The following SNRK variants were observed in gnomAD, a reference collection of about 807,000 sequenced individuals.
SNRK encodes the protein SNF related kinase, also known as SNF-related serine/threonine-protein kinase.
Under a neutral mutation model 48.2 loss-of-function variants are expected in SNRK, and 3 were observed. That is an observed-to-expected ratio of 0.06 (90% confidence interval 0.03 to 0.16). SNRK has a LOEUF of 0.16. Among genes scored for constraint, SNRK ranks in the 10% least tolerant of loss-of-function variants. The pLI, the probability that SNRK is intolerant of heterozygous loss-of-function variation, is 1.00. For missense variants in SNRK, 627 were observed against 976.0 expected, an observed-to-expected ratio of 0.64 and a Z score of 4.76; for synonymous variants, 376 against 366.1, an observed-to-expected ratio of 1.03 and a Z score of -0.31.
chr3:43,341,049 T>G (rs2091231941), intron 5 of SNRK, among the ~76,000 whole-genome samples: 1 of 133,478 alleles, frequency 7.5e-6, no homozygotes, highest in Non-Finnish European at 1.5e-5. Context: ...CTGAAATATT[T>G]ATTATCTGGC....
chr3:43,336,574 C>T (rs1227069874), intron 4 of SNRK, among the ~76,000 whole-genome samples: 2 of 152,138 alleles, frequency 1.3e-5, no homozygotes, highest in Admixed American at 6.5e-5. Flanking sequence ...TCAAGAGATC[C>T]TCCAGCCTCT....
chr3:43,336,897 C>T (rs1446497279), intron 4 of SNRK, among the ~76,000 whole-genome samples: 3 of 151,832 alleles, frequency 2.0e-5, no homozygotes, highest in East Asian at 2.0e-4. Flanking sequence ...AGACTACAGG[C>T]GCCCGCCATC....
chr3:43,317,820 A>C (rs2091024753), intron 3 of SNRK, among the ~76,000 whole-genome samples: 1 of 152,118 alleles, frequency 6.6e-6, no homozygotes, highest in Admixed American at 6.5e-5. Flanking sequence ...ACTGCCTGTT[A>C]TCTTTCCCCA....
At chr3:43,297,520 G>A (rs1575531895) in intron 1 of SNRK, among the ~76,000 whole-genome samples, 1 of 151,956 alleles carries the variant, frequency 6.6e-6, no homozygotes, top group East Asian at 1.9e-4. Flanking sequence ...TAATTTGAAA[G>A]AATCTATACC....
intron 4 of SNRK, among the ~76,000 whole-genome samples, chr3:43,335,697 C>T (rs2091182622): frequency 1.3e-5 from 2 of 151,754 alleles, no homozygotes; most frequent in Non-Finnish European, 1.5e-5. Flanking sequence ...TGTTTTTTTT[C>T]TTGGAGCTCT....
chr3:43,290,180 C>A (rs1203729632), intron 1 of SNRK, among the ~76,000 whole-genome samples: 2 of 152,128 alleles, frequency 1.3e-5, no homozygotes, highest in Non-Finnish European at 2.9e-5. Context: ...CTTCTTTGAT[C>A]TGTACATTAT....
At chr3:43,327,118 CAAGA>C (rs1284785035) in intron 3 of SNRK, among the ~76,000 whole-genome samples, 3 of 152,150 alleles carry the variant, frequency 2.0e-5, no homozygotes, top group Non-Finnish European at 4.4e-5. Context: ...TCTTGTTTTA[CAAGA>C]AAGAATCTTT....
At chr3:43,325,461 G>A (rs568153814) in intron 3 of SNRK, among the ~76,000 whole-genome samples, 110 of 152,230 alleles carry the variant, frequency 7.2e-4, no homozygotes, top group South Asian at 1.4e-3. Flanking sequence ...CACCGTGCCC[G>A]GCCCAAAAGA....
intron 6 of SNRK, 85 bp downstream of exon 6, chr3:43,343,563 T>A: frequency 7.1e-7 from 1 of 1,405,186 alleles, no homozygotes; most frequent in South Asian, 1.2e-5. Context: ...GCTTCCTAAC[T>A]CTTTGGGGCA....
intron 1 of SNRK, among the ~76,000 whole-genome samples, chr3:43,293,986 C>T (rs1233884091): frequency 6.6e-6 from 1 of 151,774 alleles, no homozygotes. Flanking sequence ...TTAAACTTAA[C>T]ATTATGTTGT....
At chr3:43,320,260 G>T (rs575741029) in intron 3 of SNRK, among the ~76,000 whole-genome samples, 1 of 152,304 alleles carries the variant, frequency 6.6e-6, no homozygotes, top group South Asian at 2.1e-4. Flanking sequence ...AAGTCATTGG[G>T]TACAGTATTC....
At position 43,303,857 on chromosome 3, in the gene SNRK, T is replaced by G; in HGVS notation, c.589+65T>G. 3.4e-6 allele frequency: 4 copies of G among 1,165,598 alleles called. No homozygotes were observed. The East Asian group carries it at 7.1e-5, about 21-fold the overall frequency. The allele number at this position is 1,165,598 out of a possible 1,614,324, so 72.2% of individuals were successfully genotyped here. A position where few individuals can be genotyped will look rare whatever the true frequency, so the allele number is the denominator to read the frequency against. The stretch of plus-strand genomic sequence containing the variant: ...GCCAGCTAGAGTTGGTCAGATCGGT[T>G]GTTTATCTAAAAATGATTTCTAGAG... On this transcript the variant is annotated intron_variant, in intron 3 of 6. Coordinates refer to ENST00000296088, the MANE Select transcript of SNRK (RefSeq NM_017719.5). The surrounding 1 kb of genome is among the most constrained non-coding windows in gnomAD (Gnocchi z 6.2).
In SNRK at chr3:43,349,905, G is replaced by A. The variant is rs1488667402; in HGVS notation, c.*1348G>A. The A allele has an allele frequency of 6.6e-6, 1 of 152,244 alleles. No individual in the cohort carries two copies. The highest frequency in any genetic ancestry group is 1.5e-5 in the Non-Finnish European group (1 of 68,028). 9.4% of individuals were successfully genotyped at this position (152,244 alleles called of 1,614,324 possible). ...CAACATTGGTGATAGCATGTGGCTG[G>A]GACCCAGGGCCCTTCCCCACTCTTC... On this transcript the variant is annotated 3_prime_UTR_variant, in exon 7 of 7. Transcript: ENST00000296088.
At chr3:43,345,583 CAG>C (rs1339375229) in intron 6 of SNRK, among the ~76,000 whole-genome samples, 2 of 152,142 alleles carry the variant, frequency 1.3e-5, no homozygotes, top group Non-Finnish European at 2.9e-5. Flanking sequence ...CAGAAAGAAA[CAG>C]GGATTTGGCC....
chr3:43,328,972 C>T (rs1307572028), intron 3 of SNRK, among the ~76,000 whole-genome samples: 1 of 152,180 alleles, frequency 6.6e-6, no homozygotes, highest in African/African-American at 2.4e-5. Context: ...GAATACTTAG[C>T]ATGGATTCTG....
chr3:43,310,901 G>T (rs1272464899), intron 3 of SNRK, among the ~76,000 whole-genome samples: 3 of 151,972 alleles, frequency 2.0e-5, no homozygotes, highest in East Asian at 3.9e-4. Context: ...GATGAACTTG[G>T]TTCCTCTCTC....
chr3:43,345,948 C>G (rs1184321401), intron 6 of SNRK, among the ~76,000 whole-genome samples: 1 of 152,200 alleles, frequency 6.6e-6, no homozygotes, highest in Non-Finnish European at 1.5e-5. Flanking sequence ...AGAATTATTT[C>G]TAATTGAGAA....
intron 2 of SNRK, among the ~76,000 whole-genome samples, chr3:43,302,790 T>A (rs1326869526): frequency 6.6e-6 from 1 of 152,116 alleles, no homozygotes; most frequent in Non-Finnish European, 1.5e-5. Context: ...TTTTAGAAAA[T>A]GTTTGTTTTT....
rs1383342247 is a variant in SNRK at position 43,350,267 on chromosome 3, T to C, written c.*1710T>C. 6.6e-6 allele frequency: 1 copy of C among 152,636 alleles called. No homozygotes were observed. Among genetic ancestry groups the C allele is most frequent in the Admixed American group, 6.5e-5 (1 of 15,274 alleles). 9.5% of individuals were successfully genotyped at this position (152,636 alleles called of 1,614,324 possible). On this transcript the variant is annotated 3_prime_UTR_variant, in exon 7 of 7. Coordinates refer to ENST00000296088, the MANE Select transcript of SNRK (RefSeq NM_017719.5). ...AGCCATAGAACATATTTGCTTGAAA[T>C]TCTTGAGCAGGGATCTTATAAAGGG...
Sources: allele counts gnomAD v4.1 joint callset (sites outside exome capture counted in the v4.1 genomes callset), GRCh38; gene constraint gnomAD v4.1.1; non-coding constraint Gnocchi (gnomAD v3.1); transcripts MANE v1.5; gene names NCBI Gene and HGNC (gene_info 2026-07-23, HGNC 2026-07-21).